CFAP91: variants seen among roughly 807,000 people sequenced by gnomAD.
The protein encoded by CFAP91 is cilia and flagella associated protein 91.
A neutral mutation model predicts 95.9 loss-of-function variants in CFAP91; 85 were observed. The observed-to-expected ratio is 0.89, with a 90% CI of 0.74 to 1.06. The LOEUF (loss-of-function observed/expected upper bound fraction) is 1.06, where lower values mean the gene tolerates loss of function less well. Among genes scored for constraint, CFAP91 ranks in the 50% least tolerant of loss-of-function variants. The probability of loss-of-function intolerance (pLI) is 0.00; values close to 1 mark genes in which losing one functional copy is unlikely to be tolerated. For missense variants in CFAP91, 962 were observed against 943.4 expected (o/e 1.02, Z -0.26); for synonymous variants, 335 against 327.5 (o/e 1.02, Z -0.25).
intron 13 of CFAP91, among the ~76,000 whole-genome samples, chr3:119,743,692 C>G (rs1050072354): frequency 6.6e-6 from 1 of 152,114 alleles, no homozygotes; most frequent in Admixed American, 6.5e-5. Context: ...AGAAAAAAAA[C>G]CCATTCTCCA....
At chr3:119,758,074 T>A (rs1186722165) in intron 17 of CFAP91, among the ~76,000 whole-genome samples, 5 of 152,136 alleles carry the variant, frequency 3.3e-5, no homozygotes, top group Non-Finnish European at 7.4e-5. Context: ...GTTGGTTGGT[T>A]TTTGGTCAGA....
chr3:119,718,406 A>G (rs1414528444), intron 6 of CFAP91, among the ~76,000 whole-genome samples: 1 of 152,236 alleles, frequency 6.6e-6, no homozygotes, highest in Non-Finnish European at 1.5e-5. Context: ...TCCACAATGC[A>G]ACATATAGTG....
At chr3:119,728,037 GATA>G (rs770257811) in intron 7 of CFAP91, among the ~76,000 whole-genome samples, 20 of 151,736 alleles carry the variant, frequency 1.3e-4, no homozygotes, top group South Asian at 6.2e-4. Flanking sequence ...TGATGATGAT[GATA>G]ATGATGATGA....
intron 9 of CFAP91, 107 bp downstream of exon 9, chr3:119,732,583 A>T (rs1390173814): frequency 3.7e-6 from 3 of 820,222 alleles, no homozygotes; most frequent in Non-Finnish European, 5.6e-6. Flanking sequence ...CAATAAAAAT[A>T]TTTGCAATAA....
chr3:119,706,867 C>T lies in CFAP91; in HGVS notation c.183C>T (p.Thr61=). The T allele has an allele frequency of 6.2e-7, 1 of 1,612,470 alleles. No homozygotes were observed. Among genetic ancestry groups the T allele is most frequent in the South Asian group, 1.1e-5 (1 of 90,998 alleles). The change falls in exon 2 of 18, where the codon ACC becomes ACT. Residue 61 remains threonine, a synonymous_variant. Coordinates refer to ENST00000273390, the MANE Select transcript of CFAP91 (RefSeq NM_033364.4). ...ATACACAGGCAAATATCCAAGCTAC[C>T]CTGATTCGCAGCAGACTGGTATGTC... ...KDHTQANIQA[T]LIRSRLRKVP...
intron 6 of CFAP91, among the ~76,000 whole-genome samples, chr3:119,725,157 C>A (rs1261739272): frequency 6.6e-6 from 1 of 152,202 alleles, no homozygotes; most frequent in African/African-American, 2.4e-5. Flanking sequence ...CTTGTTCCAG[C>A]CTCCCTTTCC....
At chr3:119,755,966 G>C (rs924911916) in intron 17 of CFAP91, among the ~76,000 whole-genome samples, 1 of 152,162 alleles carries the variant, frequency 6.6e-6, no homozygotes, top group Non-Finnish European at 1.5e-5. Context: ...AGGAGAAAGA[G>C]TGAGTAGGCA....
chr3:119,759,369 A>G (rs566031796), intron 17 of CFAP91, among the ~76,000 whole-genome samples: 12 of 152,112 alleles, frequency 7.9e-5, no homozygotes, highest in Non-Finnish European at 1.6e-4. Context: ...TTTAGGAGGT[A>G]AAGAGAGGAT....
At chr3:119,761,752 A>G (rs1479684106) in intron 17 of CFAP91, among the ~76,000 whole-genome samples, 1 of 152,004 alleles carries the variant, frequency 6.6e-6, no homozygotes. Context: ...GATCTTATCA[A>G]TAGATTCAGA....
At position 119,744,341 on chromosome 3, in the gene CFAP91, G is replaced by A. The variant is rs576823965; in HGVS notation, c.1902+145G>A. 1.3e-3 allele frequency: 802 copies of A among 616,618 alleles called. 10 individuals are homozygous for A. In the South Asian group the frequency reaches 0.02, roughly 15 times the overall value. 38.2% of individuals were successfully genotyped at this position (616,618 alleles called of 1,614,324 possible). A position where few individuals can be genotyped will look rare whatever the true frequency, so the allele number is the denominator to read the frequency against. ...CCAGGCACTCTACAGAGGCACTGTG[G>A]GAAACTTTGGAGGAAAAAACCCAGA... On this transcript the variant is annotated intron_variant, in intron 14 of 17. Coordinates refer to ENST00000273390, the MANE Select transcript of CFAP91 (RefSeq NM_033364.4).
Position 119,715,669 on chromosome 3 carries a change from A to T in CFAP91, c.608A>T (p.Asp203Val). Residue 203 changes from aspartate to valine, a missense_variant, in exon 6 of 18, where the codon GAT becomes GTT. Asp to Val is a radical substitution (Grantham distance 152). Coordinates refer to ENST00000273390, the MANE Select transcript of CFAP91 (RefSeq NM_033364.4). ...TDYRDADVQT[D>V]PYSAEYVVCQ... ...TATCGGGATGCTGACGTTCAAACAG[A>T]TCCATACTCTGCAGAATATGTAGTA... The T allele has an allele frequency of 1.2e-6, 2 of 1,613,692 alleles. No individual in the cohort carries two copies. The highest frequency in any genetic ancestry group is 1.7e-6 in the Non-Finnish European group (2 of 1,179,610).
Position 119,707,439 on chromosome 3 carries a change from C to A in CFAP91, c.237C>A (p.Asn79Lys). ...CCAGGTTTAAAACCATGTTCAGTAA[C>A]CTGATCCATTATCCAAGATATTCTC... ...KVPRFKTMFSNLIHYPRYSLY... is the reference protein window; with the variant it reads ...KVPRFKTMFSKLIHYPRYSLY... Residue 79 changes from asparagine to lysine, a missense_variant, in exon 3 of 18, where the codon AAC (asparagine) becomes AAA (lysine). Physicochemically the swap from Asn to Lys is moderately conservative, Grantham distance 94 (BLOSUM62 0). Coordinates refer to ENST00000273390, the MANE Select transcript of CFAP91 (RefSeq NM_033364.4). 1.9e-6 allele frequency: 3 copies of A among 1,586,404 alleles called. No homozygotes were observed. Among genetic ancestry groups the A allele is most frequent in the South Asian group, 1.1e-5 (1 of 87,052 alleles).
At chr3:119,743,948 C>G (rs370028524) in intron 13 of CFAP91, 27 bp from the exon 14 acceptor site, 1 of 1,555,326 alleles carries the variant, frequency 6.4e-7, no homozygotes, top group Non-Finnish European at 8.7e-7. Flanking sequence ...GAATTTGTGT[C>G]CTTAAAGTTA....
chr3:119,703,235 G>C lies in CFAP91; in HGVS notation c.124+13G>C. The C allele has an allele frequency of 1.9e-6, 3 of 1,610,868 alleles. No individual in the cohort carries two copies. Among genetic ancestry groups the C allele is most frequent in the Non-Finnish European group, 2.5e-6 (3 of 1,178,568 alleles). On this transcript the variant is annotated intron_variant, in intron 1 of 17. Coordinates refer to ENST00000273390, the MANE Select transcript of CFAP91 (RefSeq NM_033364.4). ...GATTTTCTGTACGGTAAGGACCGCCGCAGACCTTCCTCCGCGTCCGTCGCC... is the reference window on the plus strand; with the variant it reads ...GATTTTCTGTACGGTAAGGACCGCCCCAGACCTTCCTCCGCGTCCGTCGCC...
chr3:119,733,397 T>C lies in CFAP91; in HGVS notation c.1235T>C (p.Phe412Ser). ...LVELESCLPD[F>S]VTQPQIRAPK... ...GAACTTGAGTCATGTCTCCCAGATT[T>C]TGTGACACAACCCCAAATCAGAGCT... The change falls in exon 10 of 18, where the codon TTT (phenylalanine) becomes TCT (serine). Residue 412 changes from phenylalanine to serine, a missense_variant. Phe to Ser is a radical substitution (Grantham distance 155). Coordinates refer to ENST00000273390, the MANE Select transcript of CFAP91 (RefSeq NM_033364.4). The C allele has an allele frequency of 6.2e-7, 1 of 1,614,122 alleles. No homozygotes were observed. Among genetic ancestry groups the C allele is most frequent in the Non-Finnish European group, 8.5e-7 (1 of 1,179,982 alleles).
At chr3:119,728,453 C>T (rs969971220) in intron 7 of CFAP91, among the ~76,000 whole-genome samples, 3 of 151,862 alleles carry the variant, frequency 2.0e-5, no homozygotes, top group East Asian at 1.9e-4. Flanking sequence ...CATTAACTCA[C>T]GTAATGCTCA....
At chr3:119,738,331 T>C (rs2054048438) in intron 11 of CFAP91, among the ~76,000 whole-genome samples, 1 of 116,968 alleles carries the variant, frequency 8.5e-6, no homozygotes, top group East Asian at 2.4e-4. Flanking sequence ...TGACATATTG[T>C]CTTTTTTTTT....
intron 10 of CFAP91, among the ~76,000 whole-genome samples, chr3:119,734,700 T>C (rs947689635): frequency 3.0e-4 from 45 of 152,254 alleles, no homozygotes; most frequent in Non-Finnish European, 5.9e-4. Flanking sequence ...AGGATTTTGC[T>C]TCTACATTCA....
At chr3:119,746,639 T>A (rs2054224143) in intron 14 of CFAP91, among the ~76,000 whole-genome samples, 1 of 152,208 alleles carries the variant, frequency 6.6e-6, no homozygotes, top group Admixed American at 6.5e-5. Flanking sequence ...ATCCAGCTCC[T>A]GTGGGTGCTG....
Sources: allele counts gnomAD v4.1 joint callset (sites outside exome capture counted in the v4.1 genomes callset), GRCh38; gene constraint gnomAD v4.1.1; transcripts MANE v1.5; gene names NCBI Gene and HGNC (gene_info 2026-07-23, HGNC 2026-07-21).